OR2L13: variants seen among roughly 807,000 people sequenced by gnomAD.
OR2L13 encodes the protein olfactory receptor family 2 subfamily L member 13, also known as olfactory receptor 2L13.
OR2L13 carries 14 observed loss-of-function variants against 15.3 expected under a neutral mutation model. The ratio of observed to expected loss-of-function variants is 0.91; its 90% confidence interval spans 0.60 to 1.43. The LOEUF is 1.43. Ranked by LOEUF, OR2L13 falls within the 40% of genes most tolerant of loss-of-function variation. The pLI, the probability that OR2L13 is intolerant of heterozygous loss-of-function variation, is 0.00. For synonymous variants in OR2L13, 152 were observed against 142.9 expected, an observed-to-expected ratio of 1.06 and a Z score of -0.45; for missense variants, 367 against 387.9, an observed-to-expected ratio of 0.95 and a Z score of 0.45.
the OR2L13 span, chr1:247,965,562 G>T: frequency 1.5e-3 from 2,332 of 1,605,314 alleles, 36 homozygotes; most frequent in African/African-American, 0.028. Context: ...TGTACTTTCT[G>T]CTCAGTCAGC....
At chr1:247,949,320 G>A in the OR2L13 span, 5 of 1,614,048 alleles carry the variant, frequency 3.1e-6, no homozygotes, top group African/African-American at 5.3e-5. Context: ...CTCGATCAAT[G>A]CTTGTGCTCA....
chr1:247,993,762 G>GAGAGAGAGAGAGAGA, the OR2L13 span, among the ~76,000 whole-genome samples: 378 of 53,584 alleles, frequency 7.1e-3, 59 homozygotes, highest in Middle Eastern at 0.013. Flanking sequence ...AGAGAGAGGG[G>GAGAGAGAGAGAGAGA]GAGAGAGAGA....
the OR2L13 span, chr1:247,937,328 G>A: frequency 1.3e-5 from 2 of 154,222 alleles, no homozygotes; most frequent in Non-Finnish European, 2.9e-5. Flanking sequence ...GAAGGGCTCT[G>A]CTCTACACAC....
At chr1:248,018,433 A>G in the OR2L13 span, among the ~76,000 whole-genome samples, 2 of 152,190 alleles carry the variant, frequency 1.3e-5, no homozygotes, top group African/African-American at 4.8e-5. Flanking sequence ...ATTACATACT[A>G]TTGCATCAGT....
At chr1:247,960,958 T>C in the OR2L13 span, among the ~76,000 whole-genome samples, 1 of 152,134 alleles carries the variant, frequency 6.6e-6, no homozygotes, top group Non-Finnish European at 1.5e-5. Flanking sequence ...GTACCCACTG[T>C]CCGACAATCC....
At chr1:248,039,481 C>T in the OR2L13 span, 494 of 241,116 alleles carry the variant, frequency 2.0e-3, 6 homozygotes, top group African/African-American at 0.01. Flanking sequence ...AATGCAATGG[C>T]GCAATCTCAG....
chr1:247,990,681 A>C, the OR2L13 span: 8 of 1,530,266 alleles, frequency 5.2e-6, no homozygotes, highest in Non-Finnish European at 7.2e-6. Flanking sequence ...TGAGAAAAAG[A>C]GTGTGTGCAC....
At chr1:247,994,607 T>C in the OR2L13 span, among the ~76,000 whole-genome samples, 1 of 152,128 alleles carries the variant, frequency 6.6e-6, no homozygotes, top group South Asian at 2.1e-4. Flanking sequence ...TTACTAGCAG[T>C]GGGGAGGGAG....
At chr1:248,058,673 CACTT>C in the OR2L13 span, among the ~76,000 whole-genome samples, 14,240 of 151,870 alleles carry the variant, frequency 0.094, 711 homozygotes, top group East Asian at 0.16. Context: ...AAGTATTTCT[CACTT>C]ATTTTTGTGA....
chr1:247,948,720 G>C, the OR2L13 span: 1 of 648,180 alleles, frequency 1.5e-6, no homozygotes, highest in Admixed American at 2.9e-5. Flanking sequence ...AAATAATAGT[G>C]TATTTAGGGT....
the OR2L13 span, among the ~76,000 whole-genome samples, chr1:247,940,080 G>A: frequency 6.6e-6 from 1 of 152,152 alleles, no homozygotes; most frequent in South Asian, 2.1e-4. Flanking sequence ...TTCATTGAAT[G>A]GTTTGTTTTG....
the OR2L13 span, among the ~76,000 whole-genome samples, chr1:247,989,771 C>T: frequency 0.039 from 5,902 of 152,158 alleles, 353 homozygotes; most frequent in African/African-American, 0.13. Flanking sequence ...TGTGGTTTCT[C>T]CTGAAATCAA....
At chr1:248,060,803 A>C in the OR2L13 span, 1 of 1,613,948 alleles carries the variant, frequency 6.2e-7, no homozygotes, top group African/African-American at 1.3e-5. Context: ...CTAATTGGAA[A>C]CCTATCCATG....
chr1:248,043,774 G>A, the OR2L13 span, among the ~76,000 whole-genome samples: 3 of 152,114 alleles, frequency 2.0e-5, no homozygotes, highest in African/African-American at 4.8e-5. Flanking sequence ...GGGCGTTCCC[G>A]AAAGTAAGAG....
At chr1:247,995,576 A>G in the OR2L13 span, among the ~76,000 whole-genome samples, 32 of 152,252 alleles carry the variant, frequency 2.1e-4, no homozygotes, top group Non-Finnish European at 3.4e-4. Context: ...TAGTGGAATA[A>G]CAAAATATTT....
At chr1:247,979,547 T>TC in the OR2L13 span, among the ~76,000 whole-genome samples, 1 of 152,100 alleles carries the variant, frequency 6.6e-6, no homozygotes, top group Non-Finnish European at 1.5e-5. Context: ...ACATTTTTTT[T>TC]ATCCAGTCTA....
the OR2L13 span, among the ~76,000 whole-genome samples, chr1:248,059,311 A>G: frequency 6.6e-6 from 1 of 152,196 alleles, no homozygotes; most frequent in Non-Finnish European, 1.5e-5. Context: ...TTCTATCTGG[A>G]GTAGAGTTTC....
chr1:247,948,296 G>A, the OR2L13 span, among the ~76,000 whole-genome samples: 2 of 152,158 alleles, frequency 1.3e-5, no homozygotes, highest in African/African-American at 2.4e-5. Flanking sequence ...ATATAAATCT[G>A]TAATGTATGC....
At chr1:247,960,813 C>A in the OR2L13 span, among the ~76,000 whole-genome samples, 1 of 152,166 alleles carries the variant, frequency 6.6e-6, no homozygotes, top group African/African-American at 2.4e-5. Context: ...GTGGGAGTGA[C>A]CCGATTTTCC....
Sources: gnomAD v4.1 joint callset for allele counts (sites outside exome capture counted in the v4.1 genomes callset) on GRCh38, gnomAD v4.1.1 for gene constraint, MANE v1.5 for transcripts, NCBI Gene and HGNC (gene_info 2026-07-23, HGNC 2026-07-21) for gene names.